The following DRC9 variants were observed in gnomAD, a reference collection of about 807,000 sequenced individuals.
The protein encoded by DRC9 is dynein regulatory complex subunit 9.
chr3:197,952,872 G>T, the DRC9 span, among the ~76,000 whole-genome samples: 4 of 149,364 alleles, frequency 2.7e-5, no homozygotes, highest in African/African-American at 9.9e-5. Flanking sequence ...TTGCTCTGTT[G>T]CCCAGGCTGG....
At chr3:197,952,831 G>A in the DRC9 span, among the ~76,000 whole-genome samples, 1 of 150,944 alleles carries the variant, frequency 6.6e-6, no homozygotes. Context: ...TGTTTATGCT[G>A]TAGACTTTTT....
the DRC9 span, chr3:197,951,396 G>T: frequency 6.9e-7 from 1 of 1,452,312 alleles, no homozygotes; most frequent in African/African-American, 1.4e-5. Flanking sequence ...CTCTGTTGCC[G>T]AGGCTGGAAT....
the DRC9 span, chr3:197,916,278 G>C: frequency 6.8e-6 from 1 of 147,470 alleles, no homozygotes. Flanking sequence ...CGGCTTTGTT[G>C]TTGTTGTTGT....
the DRC9 span, among the ~76,000 whole-genome samples, chr3:197,899,153 A>G: frequency 6.6e-6 from 1 of 152,224 alleles, no homozygotes; most frequent in Non-Finnish European, 1.5e-5. Context: ...AAAGGTAGCC[A>G]AATAGCTCCA....
At chr3:197,906,008 CA>C in the DRC9 span, among the ~76,000 whole-genome samples, 6 of 148,818 alleles carry the variant, frequency 4.0e-5, no homozygotes, top group African/African-American at 1.3e-4. Context: ...GTAAATCTCA[CA>C]GTTGATGATT....
At chr3:197,895,464 G>A in the DRC9 span, among the ~76,000 whole-genome samples, 2 of 151,976 alleles carry the variant, frequency 1.3e-5, no homozygotes, top group African/African-American at 4.8e-5. Context: ...TAGTGATGGG[G>A]TCTCATTATG....
At chr3:197,936,989 C>T in the DRC9 span, among the ~76,000 whole-genome samples, 3 of 152,136 alleles carry the variant, frequency 2.0e-5, no homozygotes, top group African/African-American at 4.8e-5. Flanking sequence ...TAAAGAGGCA[C>T]GTAGTAAATA....
the DRC9 span, among the ~76,000 whole-genome samples, chr3:197,915,842 T>A: frequency 6.6e-6 from 1 of 152,188 alleles, no homozygotes; most frequent in Non-Finnish European, 1.5e-5. Flanking sequence ...TTGGTCAGGA[T>A]GGTCTTGATC....
At chr3:197,949,229 T>A in the DRC9 span, 1 of 152,184 alleles carries the variant, frequency 6.6e-6, no homozygotes, top group Non-Finnish European at 1.5e-5. Flanking sequence ...ACACAAACCT[T>A]GGTACAGGGT....
chr3:197,943,961 T>C, the DRC9 span: 1 of 1,614,196 alleles, frequency 6.2e-7, no homozygotes, highest in South Asian at 1.1e-5. Flanking sequence ...TTCCTTCTTC[T>C]TCTACGGTAC....
At chr3:197,944,123 C>G in the DRC9 span, 1 of 1,330,862 alleles carries the variant, frequency 7.5e-7, no homozygotes, top group East Asian at 2.3e-5. Flanking sequence ...AAAGCACAGG[C>G]AGCAACGTGC....
At chr3:197,960,069 C>CGATG in the DRC9 span, 1 of 644,026 alleles carries the variant, frequency 1.6e-6, no homozygotes, top group Non-Finnish European at 2.6e-6. Context: ...CCACGAGACG[C>CGATG]GATGGACGTG....
the DRC9 span, among the ~76,000 whole-genome samples, chr3:197,901,485 A>T: frequency 1.3e-5 from 2 of 152,198 alleles, no homozygotes; most frequent in African/African-American, 4.8e-5. The surrounding 1 kb of genome is among the most constrained non-coding windows in gnomAD (Gnocchi z 4.4). Context: ...TCTGGGCAAG[A>T]GGGTAGCCCA....
At chr3:197,950,742 T>TA in the DRC9 span, 30 of 605,494 alleles carry the variant, frequency 5.0e-5, no homozygotes, top group Admixed American at 7.9e-4. Flanking sequence ...TTTGCTTAGA[T>TA]ACCAGCTGTT....
the DRC9 span, chr3:197,938,839 G>A: frequency 1.7e-6 from 2 of 1,186,550 alleles, no homozygotes; most frequent in Non-Finnish European, 2.5e-6. Context: ...CAACAAGAAA[G>A]AGGCCTTTGT....
the DRC9 span, among the ~76,000 whole-genome samples, chr3:197,895,155 CAAAAACAAACAAACAAA>C: frequency 2.0e-5 from 3 of 151,914 alleles, no homozygotes. Flanking sequence ...CACTTAAAAA[CAAAAACAAACAAACAAA>C]AAAAACAAAG....
the DRC9 span, chr3:197,951,453 A>G: frequency 1.1e-6 from 1 of 881,964 alleles, no homozygotes; most frequent in Non-Finnish European, 1.8e-6. Context: ...CCCGGGTTCA[A>G]GCAAGTGTCC....
the DRC9 span, among the ~76,000 whole-genome samples, chr3:197,907,065 A>G: frequency 6.6e-6 from 1 of 152,154 alleles, no homozygotes. Flanking sequence ...GCTCCCAATT[A>G]TCCGGAGGCA....
At chr3:197,949,276 A>AATCC in the DRC9 span, 1 of 152,248 alleles carries the variant, frequency 6.6e-6, no homozygotes, top group Non-Finnish European at 1.5e-5. Flanking sequence ...TAAATGAATG[A>AATCC]ATCCATAGGA....
Sources: allele counts gnomAD v4.1 joint callset (sites outside exome capture counted in the v4.1 genomes callset), GRCh38; gene constraint gnomAD v4.1.1; non-coding constraint Gnocchi (gnomAD v3.1); transcripts MANE v1.5; gene names NCBI Gene and HGNC (gene_info 2026-07-23, HGNC 2026-07-21).